PPP1R14A: variants seen among roughly 807,000 people sequenced by gnomAD.
PPP1R14A encodes protein phosphatase 1 regulatory subunit 14A.
In PPP1R14A, 9 loss-of-function variants were observed where a neutral mutation model predicts 14.1. The ratio of observed to expected loss-of-function variants is 0.64; its 90% CI spans 0.38 to 1.11. PPP1R14A has a LOEUF of 1.11. PPP1R14A is among the 50% of genes most tolerant of loss of function. PPP1R14A has a pLI of 0.01. For missense variants in PPP1R14A, 208 were observed against 200.7 expected (o/e 1.04, Z -0.22); for synonymous variants, 93 against 88.7 (o/e 1.05, Z -0.27).
intron 1 of PPP1R14A, 65 bp from the exon 2 acceptor site, chr19:38,253,039 C>T: frequency 7.4e-7 from 1 of 1,346,494 alleles, no homozygotes; most frequent in East Asian, 2.3e-5. Context: ...TTGTCCAGGG[C>T]TCTGCAGGAG....
chr19:38,256,237 C>G lies in PPP1R14A; in HGVS notation c.103G>C (p.Ala35Pro). 1.3e-6 allele frequency: 2 copies of G among 1,551,466 alleles called. No homozygotes were observed. The highest frequency in any genetic ancestry group is 1.4e-5 in the African/African-American group (1 of 73,838). ...GSPGGLQKRH[A>P]RVTVKYDRRE... ...CGGTCATACTTGACGGTGACGCGCG[C>G]GTGCCGCTTCTGCAGCCCCCCGGGA... is the stretch of plus-strand genomic sequence containing the variant. The change falls in exon 1 of 4, where the codon GCG becomes CCG. Residue 35 changes from alanine (A) to proline (P), a missense_variant. Physicochemically the swap from Ala to Pro is conservative, Grantham distance 27. Coordinates refer to ENST00000301242, the MANE Select transcript of PPP1R14A (RefSeq NM_033256.3). The surrounding 1 kb of genome is among the most constrained non-coding windows in gnomAD (Gnocchi z 5.7).
intron 1 of PPP1R14A, among the ~76,000 whole-genome samples, chr19:38,255,506 C>T (rs1214319189): frequency 6.6e-6 from 1 of 152,108 alleles, no homozygotes; most frequent in African/African-American, 2.4e-5. Flanking sequence ...AAGGAAGGGC[C>T]GTAACTTGAG....
At chr19:38,251,589 T>G (rs557575517) in intron 3 of PPP1R14A, 143 bp from the exon 4 acceptor site, 4 of 569,004 alleles carry the variant, frequency 7.0e-6, no homozygotes, top group East Asian at 7.0e-5. Context: ...GCTATAGACA[T>G]AGAGAGAAAA....
chr19:38,255,163 G>T (rs1968232724), intron 1 of PPP1R14A, among the ~76,000 whole-genome samples: 1 of 152,184 alleles, frequency 6.6e-6, no homozygotes, highest in Non-Finnish European at 1.5e-5. Context: ...TCGCTCTGTT[G>T]CCCAGGCTGG....
chr19:38,256,145 G>A lies in PPP1R14A; in HGVS notation c.195C>T (p.Arg65=). 1.9e-6 allele frequency: 3 copies of A among 1,544,590 alleles called. No individual in the cohort carries two copies. The highest frequency in any genetic ancestry group is 2.6e-6 in the Non-Finnish European group (3 of 1,150,402). The stretch of plus-strand genomic sequence containing the variant: ...GAGCCCTCCCCGGGCTCACCATGCC[G>A]CGGTACAGCTCCTCCAGGCGCCCGT... ...WIDGRLEELY[R]GMEADMPDEI... Residue 65 remains arginine, a synonymous_variant, in exon 1 of 4, where the codon CGC becomes CGT. Transcript: ENST00000301242. The surrounding 1 kb of genome is among the most constrained non-coding windows in gnomAD (Gnocchi z 5.7).
chr19:38,253,928 G>A (rs1178367134), intron 1 of PPP1R14A, among the ~76,000 whole-genome samples: 1 of 152,218 alleles, frequency 6.6e-6, no homozygotes, highest in Non-Finnish European at 1.5e-5. Context: ...TGTGAGGTGT[G>A]TGGCTCTGGC....
rs553136772 is a variant in PPP1R14A at position 38,255,993 on chromosome 19, A to C, written c.201+146T>G. On this transcript the variant is annotated intron_variant, in intron 1 of 3. Coordinates refer to ENST00000301242, the MANE Select transcript of PPP1R14A (RefSeq NM_033256.3). ...TAGAGCACGGATGGCCAGGCCAATG[A>C]GTGCCCGGCCCTGGGGCGCTCGTCC... The C allele has an allele frequency of 5.1e-5, 35 of 679,930 alleles. No homozygotes were observed. In the African/African-American group the frequency reaches 5.8e-4, roughly 11 times the overall value. The allele number at this position is 679,930 out of a possible 1,614,324, so 42.1% of individuals were successfully genotyped here.
At chr19:38,255,442 T>A (rs1039148247) in intron 1 of PPP1R14A, among the ~76,000 whole-genome samples, 4 of 152,168 alleles carry the variant, frequency 2.6e-5, no homozygotes. Context: ...TGTCTTTGAG[T>A]GGCTGCGGAT....
chr19:38,256,087 G>A lies in PPP1R14A; in HGVS notation c.201+52C>T. 1.4e-6 allele frequency: 2 copies of A among 1,474,848 alleles called. No individual in the cohort carries two copies. The highest frequency in any genetic ancestry group is 9.0e-7 in the Non-Finnish European group (1 of 1,107,094). 91.4% of individuals were successfully genotyped at this position (1,474,848 alleles called of 1,614,324 possible). ...GAGACCCCAAGGGCGTGGGGTCTCC[G>A]CGCCCGGGCTCTATCTGTCCCCGAC... On this transcript the variant is annotated intron_variant, in intron 1 of 3. Coordinates refer to ENST00000301242, the MANE Select transcript of PPP1R14A (RefSeq NM_033256.3). This position sits in a 1 kb window ranked among gnomAD's most constrained non-coding sequence, Gnocchi z 5.7.
At chr19:38,253,383 C>A (rs1430660665) in intron 1 of PPP1R14A, 1 of 158,720 alleles carries the variant, frequency 6.3e-6, no homozygotes, top group Non-Finnish European at 1.4e-5. Context: ...GAGAGGCTGG[C>A]AGCCAGCAGC....
Position 38,251,424 on chromosome 19 carries a change from G to C in PPP1R14A, c.338C>G (p.Ala113Gly). ...PVEDFIQELL[A>G]KLQGLHRQPG... ...CTGCCTGTGGAGGCCTTGAAGCTTT[G>C]CCAGCAGCTCCTGGATGAAGTCCTG... The change falls in exon 4 of 4, where the codon GCA becomes GGA. Residue 113 changes from alanine to glycine, a missense_variant. Physicochemically the swap from Ala to Gly is moderately conservative, Grantham distance 60. Coordinates refer to ENST00000301242, the MANE Select transcript of PPP1R14A (RefSeq NM_033256.3). The C allele has an allele frequency of 6.4e-7, 1 of 1,569,174 alleles. No individual in the cohort carries two copies. The highest frequency in any genetic ancestry group is 1.2e-5 in the South Asian group (1 of 85,584).
rs150002510 is a variant in PPP1R14A at position 38,252,308 on chromosome 19, C to G, written c.313G>C (p.Glu105Gln). 1.2e-6 allele frequency: 2 copies of G among 1,611,986 alleles called. No individual in the cohort carries two copies. Among genetic ancestry groups the G allele is most frequent in the Non-Finnish European group, 1.7e-6 (2 of 1,179,134 alleles). The change falls in exon 3 of 4, where the codon GAG becomes CAG. Residue 105 changes from glutamate (E) to glutamine (Q), a missense_variant and splice_region_variant. Coordinates refer to ENST00000301242, the MANE Select transcript of PPP1R14A (RefSeq NM_033256.3). This position sits in a 1 kb window ranked among gnomAD's most constrained non-coding sequence, Gnocchi z 4.1. ...AGAATGAGGGAGAGAAAACTCACCT[C>G]GACAGGTTTCCCACATGACTTCAGG... is the stretch of plus-strand genomic sequence containing the variant. ...GLLKSCGKPV[E>Q]DFIQELLAKL...
At chr19:38,251,983 G>A (rs1968195749) in intron 3 of PPP1R14A, 3 of 440,246 alleles carry the variant, frequency 6.8e-6, no homozygotes, top group African/African-American at 2.0e-5. Context: ...GCCCGGGGTG[G>A]CGGAGGCAGT....
At chr19:38,255,971 A>G (rs936525130) in intron 1 of PPP1R14A, among the ~76,000 whole-genome samples, 168 bp downstream of exon 1, 1 of 151,482 alleles carries the variant, frequency 6.6e-6, no homozygotes, top group Non-Finnish European at 1.5e-5. Flanking sequence ...AATGCCATAG[A>G]GCACGGATGG....
rs529480537 is a variant in PPP1R14A at position 38,256,253 on chromosome 19, C to G, written c.87G>C (p.Gly29=). Residue 29 remains glycine, a synonymous_variant, in exon 1 of 4, where the codon GGG becomes GGC. Transcript: ENST00000301242. The surrounding 1 kb of genome is among the most constrained non-coding windows in gnomAD (Gnocchi z 5.7). ...RARGPGGSPG[G]LQKRHARVTV... ...TGACGCGCGCGTGCCGCTTCTGCAG[C>G]CCCCCGGGACTGCCCCCTGGCCCGC... 5.3e-5 allele frequency: 82 copies of G among 1,548,682 alleles called. No homozygotes were observed. The African/African-American group carries it at 1.0e-3, about 19-fold the overall frequency.
chr19:38,252,853 G>T lies in PPP1R14A; in HGVS notation c.282+41C>A, dbSNP rs1190391673. ...GAACTATTGCTATTATTTTTAGGGAGGTGCAAAGTGGGAGGCTGGGGGACA... is the reference window on the plus strand; with the variant it reads ...GAACTATTGCTATTATTTTTAGGGATGTGCAAAGTGGGAGGCTGGGGGACA... On this transcript the variant is annotated intron_variant, in intron 2 of 3. Coordinates refer to ENST00000301242, the MANE Select transcript of PPP1R14A (RefSeq NM_033256.3). This position sits in a 1 kb window ranked among gnomAD's most constrained non-coding sequence, Gnocchi z 4.1. 1 of 1,396,576 alleles carries T rather than the reference G, an allele frequency of 7.2e-7. No homozygotes were observed. The highest frequency in any genetic ancestry group is 1.0e-6 in the Non-Finnish European group (1 of 981,794). 86.5% of individuals were successfully genotyped at this position (1,396,576 alleles called of 1,614,324 possible). A position where few individuals can be genotyped will look rare whatever the true frequency, so the allele number is the denominator to read the frequency against.
rs756361373 is a variant in PPP1R14A at position 38,252,946 on chromosome 19, A to G, written c.230T>C (p.Ile77Thr). ...MEADMPDEIN[I>T]DELLELESEE... is the part of the protein sequence containing the mutation. ...ACTCTCTAACTCCAACAATTCATCA[A>G]TGTTGATCTCATCGGGCATGTCTGC... The change falls in exon 2 of 4, where the codon ATT becomes ACT. Residue 77 changes from isoleucine to threonine, a missense_variant. Physicochemically the swap from Ile to Thr is moderately conservative, Grantham distance 89. Transcript: ENST00000301242. This position sits in a 1 kb window ranked among gnomAD's most constrained non-coding sequence, Gnocchi z 4.1. 13 of 1,613,788 alleles carry G rather than the reference A, an allele frequency of 8.1e-6. No homozygotes were observed. The highest frequency in any genetic ancestry group is 6.7e-5 in the Admixed American group (4 of 60,020).
At chr19:38,253,195 A>C in intron 1 of PPP1R14A, 3 of 510,820 alleles carry the variant, frequency 5.9e-6, no homozygotes, top group East Asian at 3.3e-5. Context: ...TACCAGCCCG[A>C]TGCCTGGGCC....
rs1475350736 is a variant in PPP1R14A, at chr19:38,256,268, C to T, written c.72G>A (p.Gly24=). 6 of 1,545,134 alleles carry T rather than the reference C, an allele frequency of 3.9e-6. No individual in the cohort carries two copies. Among genetic ancestry groups the T allele is most frequent in the Non-Finnish European group, 5.2e-6 (6 of 1,151,086 alleles). ...LQSPSRARGP[G]GSPGGLQKRH... ...GCTTCTGCAGCCCCCCGGGACTGCC[C>T]CCTGGCCCGCGGGCCCGCGATGGAG... is the stretch of plus-strand genomic sequence containing the variant. Residue 24 remains glycine, a synonymous_variant, in exon 1 of 4, where the codon GGG becomes GGA. Coordinates refer to ENST00000301242, the MANE Select transcript of PPP1R14A (RefSeq NM_033256.3). The surrounding 1 kb of genome is among the most constrained non-coding windows in gnomAD (Gnocchi z 5.7).
Sources: gnomAD v4.1 joint callset for allele counts (sites outside exome capture counted in the v4.1 genomes callset) on GRCh38, gnomAD v4.1.1 for gene constraint, Gnocchi (gnomAD v3.1) non-coding constraint, MANE v1.5 for transcripts, NCBI Gene and HGNC (gene_info 2026-07-23, HGNC 2026-07-21) for gene names.